Variants in MICOS10 observed in about 807,000 individuals in gnomAD.
MICOS10 encodes the protein MICOS complex subunit MIC10.
In MICOS10, 5 loss-of-function variants were observed where a neutral mutation model predicts 13.4. The ratio of observed to expected loss-of-function variants is 0.37; its 90% CI spans 0.20 to 0.78. The LOEUF is 0.78. Ranked by LOEUF, MICOS10 falls within the 30% of genes least tolerant of loss-of-function variation. The pLI is 0.47. For missense variants in MICOS10, 101 were observed against 94.6 expected, an observed-to-expected ratio of 1.07 and a Z score of -0.28; for synonymous variants, 35 against 33.6, an observed-to-expected ratio of 1.04 and a Z score of -0.15.
rs536753452 is a variant in MICOS10 at position 19,607,988 on chromosome 1, G to A, written c.64+10879G>A. The A allele has an allele frequency of 4.5e-5, 28 of 615,948 alleles. No individual in the cohort carries two copies. In the South Asian group the frequency reaches 5.2e-4, roughly 11 times the overall value. 38.2% of individuals were successfully genotyped at this position (615,948 alleles called of 1,614,324 possible). A position where few individuals can be genotyped will look rare whatever the true frequency, so the allele number is the denominator to read the frequency against. On this transcript the variant is annotated intron_variant, in intron 1 of 3. Transcript: ENST00000322753. ...TCTTTTCAACAAACCATGCTAAAAC[G>A]ACTAGGTTTCCATATAGAGAAAAAA... is the stretch of plus-strand genomic sequence containing the variant.
At chr1:19,608,178 C>G (rs1263559077) in intron 1 of MICOS10, 1 of 1,341,558 alleles carries the variant, frequency 7.5e-7, no homozygotes, top group African/African-American at 1.4e-5. Flanking sequence ...CCTCAGGTGG[C>G]TGAAGGGGAG....
In MICOS10 at chr1:19,597,079, C is replaced by G; in HGVS notation, c.34C>G (p.Arg12Gly). The G allele has an allele frequency of 1.3e-6, 2 of 1,598,232 alleles. No individual in the cohort carries two copies. The highest frequency in any genetic ancestry group is 1.1e-5 in the South Asian group (1 of 89,566). ...GTCGGAGCTCGGCAGGAAGTGGGACCGGTGTCTGGCGGATGCGGTCGTGAA... is the reference window on the plus strand; with the variant it reads ...GTCGGAGCTCGGCAGGAAGTGGGACGGGTGTCTGGCGGATGCGGTCGTGAA... ...SESELGRKWD[R>G]CLADAVVKIG... Residue 12 changes from arginine (R) to glycine (G), a missense_variant, in exon 1 of 4, where the codon CGG becomes GGG. Physicochemically the swap from Arg to Gly is moderately radical, Grantham distance 125. Coordinates refer to ENST00000322753, the MANE Select transcript of MICOS10 (RefSeq NM_001032363.4).
In MICOS10 at chr1:19,598,611, TAA is replaced by T. The variant is rs34959568; in HGVS notation, c.64+1515_64+1516del. Among the ~76,000 whole-genome samples, 78 of 141,252 alleles carry T rather than the reference TAA, an allele frequency of 5.5e-4. 1 individual carries two copies. Among genetic ancestry groups the T allele is most frequent in the Non-Finnish European group, 4.9e-4 (32 of 64,760 alleles). The allele number at this position is 141,252 out of a possible 152,430, so 92.7% of individuals were successfully genotyped here. On this transcript the variant is annotated intron_variant, in intron 1 of 3. Coordinates refer to ENST00000322753, the MANE Select transcript of MICOS10 (RefSeq NM_001032363.4). ...GGGAAACAAAGTGAGACCCTTCCCT[TAA>T]AAAAAAAAAAAAGGAGAAGAAGAAG...
intron 1 of MICOS10, among the ~76,000 whole-genome samples, chr1:19,621,182 A>G (rs2094902079): frequency 6.6e-6 from 1 of 152,230 alleles, no homozygotes; most frequent in South Asian, 2.1e-4. Flanking sequence ...GCCAAGGAAT[A>G]TCAGTATCAA....
At chr1:19,609,233 G>C (rs1219642850) in intron 1 of MICOS10, among the ~76,000 whole-genome samples, 1 of 151,764 alleles carries the variant, frequency 6.6e-6, no homozygotes, top group African/African-American at 2.4e-5. Flanking sequence ...TGGCAGATAG[G>C]CACATGAAAA....
intron 1 of MICOS10, among the ~76,000 whole-genome samples, chr1:19,614,894 G>T (rs117459182): frequency 6.6e-6 from 1 of 152,232 alleles, no homozygotes; most frequent in East Asian, 1.9e-4. Flanking sequence ...GCTGGATTGG[G>T]CCACTCCTCA....
chr1:19,603,758 T>A (rs1770483), intron 1 of MICOS10, among the ~76,000 whole-genome samples: 28,595 of 152,214 alleles, frequency 0.19, 4,142 homozygotes, highest in African/African-American at 0.4. Context: ...ATTGAATGGT[T>A]AGCTGAAGAG....
chr1:19,596,998 G>C lies in MICOS10; in HGVS notation c.-48G>C, dbSNP rs539710076. ...GCTCTCGCGAGACTTTCAGGGGTCGGAGCGCGGGGGCCGGCCGAGAGGAAA... is the reference window on the plus strand; with the variant it reads ...GCTCTCGCGAGACTTTCAGGGGTCGCAGCGCGGGGGCCGGCCGAGAGGAAA... On this transcript the variant is annotated 5_prime_UTR_variant, in exon 1 of 4. Transcript: ENST00000322753. 8.4e-6 allele frequency: 13 copies of C among 1,554,922 alleles called. No individual in the cohort carries two copies. In the South Asian group the frequency reaches 1.4e-4, roughly 17 times the overall value.
At position 19,626,600 on chromosome 1, in the gene MICOS10, G is replaced by A. The variant is rs2094922876; in HGVS notation, c.*199G>A. 9.9e-6 allele frequency: 6 copies of A among 604,434 alleles called. No individual in the cohort carries two copies. The highest frequency in any genetic ancestry group is 1.7e-5 in the Non-Finnish European group (6 of 346,468). 37.4% of individuals were successfully genotyped at this position (604,434 alleles called of 1,614,324 possible). ...TTCTCTCTGGAAGTTGTAAGGAGGT[G>A]GTCTTAAATAAATTAAACAAAAAGA... On this transcript the variant is annotated 3_prime_UTR_variant, in exon 4 of 4. Coordinates refer to ENST00000322753, the MANE Select transcript of MICOS10 (RefSeq NM_001032363.4).
At chr1:19,602,682 A>T (rs1000563156) in intron 1 of MICOS10, among the ~76,000 whole-genome samples, 21 of 152,228 alleles carry the variant, frequency 1.4e-4, no homozygotes, top group African/African-American at 4.8e-4. Context: ...GTTTTATCAG[A>T]TTTATTAAAT....
chr1:19,624,935 C>T (rs917173704), intron 3 of MICOS10, among the ~76,000 whole-genome samples: 4 of 152,188 alleles, frequency 2.6e-5, no homozygotes, highest in Non-Finnish European at 4.4e-5. Context: ...CTTCACATTC[C>T]CTGCATGCAC....
intron 1 of MICOS10, among the ~76,000 whole-genome samples, chr1:19,613,312 A>T (rs1316235225): frequency 1.3e-5 from 2 of 152,186 alleles, no homozygotes; most frequent in Non-Finnish European, 2.9e-5. Context: ...TACACATCTG[A>T]TATATAGCTT....
chr1:19,604,898 G>A (rs946148716), intron 1 of MICOS10, among the ~76,000 whole-genome samples: 2 of 152,148 alleles, frequency 1.3e-5, no homozygotes, highest in African/African-American at 4.8e-5. Flanking sequence ...ACTCCTTGAA[G>A]GTGTCCCAAA....
intron 1 of MICOS10, among the ~76,000 whole-genome samples, chr1:19,616,626 T>C (rs2094885433): frequency 6.6e-6 from 1 of 152,198 alleles, no homozygotes; most frequent in Non-Finnish European, 1.5e-5. Context: ...AAATTAACCA[T>C]GGATAGTGTT....
intron 1 of MICOS10, among the ~76,000 whole-genome samples, chr1:19,597,481 G>A (rs1314172583): frequency 6.6e-6 from 1 of 152,234 alleles, no homozygotes. Flanking sequence ...CGGGGAACCG[G>A]CTCAGGAGGC....
intron 1 of MICOS10, among the ~76,000 whole-genome samples, chr1:19,611,243 C>T (rs772410829): frequency 1.4e-4 from 21 of 152,098 alleles, no homozygotes; most frequent in South Asian, 2.1e-4. Context: ...CAAGCCACTG[C>T]GCCTGGTCAA....
At chr1:19,600,046 C>G (rs924382532) in intron 1 of MICOS10, among the ~76,000 whole-genome samples, 1 of 151,806 alleles carries the variant, frequency 6.6e-6, no homozygotes, top group Admixed American at 6.6e-5. Context: ...CTGCCCTCAA[C>G]AGGGAATTGA....
At chr1:19,598,670 C>T (rs1041055658) in intron 1 of MICOS10, among the ~76,000 whole-genome samples, 32 of 151,178 alleles carry the variant, frequency 2.1e-4, no homozygotes, top group Non-Finnish European at 2.9e-5. Context: ...GAGCTGAGTT[C>T]GAATCATCCA....
At chr1:19,597,202 G>A in intron 1 of MICOS10, 93 bp downstream of exon 1, 2 of 1,374,432 alleles carry the variant, frequency 1.5e-6, no homozygotes, top group Non-Finnish European at 2.0e-6. Flanking sequence ...AGCCCCACGG[G>A]AGGTCAGGCC....
Sources: gnomAD v4.1 joint callset for allele counts (sites outside exome capture counted in the v4.1 genomes callset) on GRCh38, gnomAD v4.1.1 for gene constraint, MANE v1.5 for transcripts, NCBI Gene and HGNC (gene_info 2026-07-23, HGNC 2026-07-21) for gene names.